The following NEBL variants were observed in gnomAD, a reference collection of about 807,000 sequenced individuals.
NEBL encodes the protein LIM and SH3 protein 2.
Under a neutral mutation model 140.2 loss-of-function variants are expected in NEBL, and 122 were observed. That is an observed-to-expected ratio of 0.87 (90% CI 0.75 to 1.01). NEBL has a LOEUF of 1.01. NEBL is among the 50% of genes least tolerant of loss of function. NEBL has a pLI of 0.00. For synonymous variants in NEBL, 436 were observed against 398.9 expected (o/e 1.09, Z -1.11); for missense variants, 1,365 against 1,231.3 (o/e 1.11, Z -1.62).
chr10:21,289,900 A>C (rs1843120210), intron 1 of NEBL, among the ~76,000 whole-genome samples: 1 of 152,232 alleles, frequency 6.6e-6, no homozygotes. Flanking sequence ...CTTCTGTAGC[A>C]CAACAGCAGA....
intron 3 of NEBL, among the ~76,000 whole-genome samples, chr10:20,997,946 T>A (rs887241886): frequency 1.3e-5 from 2 of 151,932 alleles, no homozygotes; most frequent in South Asian, 4.2e-4. Flanking sequence ...ACTACATAAC[T>A]TAATTAAAAG....
At chr10:20,879,243 T>C (rs935780053) in intron 5 of NEBL, among the ~76,000 whole-genome samples, 5 of 152,220 alleles carry the variant, frequency 3.3e-5, no homozygotes, top group African/African-American at 1.2e-4. Flanking sequence ...TAGTCTCATT[T>C]TCCTCATCTA....
intron 2 of NEBL, among the ~76,000 whole-genome samples, chr10:21,167,192 G>A (rs1037863599): frequency 2.0e-5 from 3 of 152,304 alleles, no homozygotes; most frequent in Admixed American, 6.5e-5. Flanking sequence ...CAGGCAGACC[G>A]AAAGTAAACA....
At chr10:20,903,499 G>A (rs565354788) in intron 4 of NEBL, among the ~76,000 whole-genome samples, 1 of 152,232 alleles carries the variant, frequency 6.6e-6, no homozygotes, top group East Asian at 1.9e-4. Context: ...ATAGGATTCA[G>A]CAATCCCACT....
chr10:20,852,711 T>G, intron 9 of NEBL, 62 bp from the exon 10 acceptor site: 1 of 1,325,202 alleles, frequency 7.5e-7, no homozygotes, highest in Non-Finnish European at 1.1e-6. Flanking sequence ...CAATAAATAC[T>G]TAGAAATACA....
chr10:21,240,408 C>G (rs531185220), intron 3 of NEBL, among the ~76,000 whole-genome samples: 11 of 152,240 alleles, frequency 7.2e-5, no homozygotes, highest in African/African-American at 2.2e-4. Context: ...CTTTGGGTAC[C>G]AAGGCAGGAG....
At chr10:21,285,560 C>G (rs1843044396) in intron 1 of NEBL, among the ~76,000 whole-genome samples, 1 of 152,142 alleles carries the variant, frequency 6.6e-6, no homozygotes. Context: ...AAACTATGCC[C>G]CAACCACCTT....
rs537361470 is a variant in NEBL at position 21,246,605 on chromosome 10, G to A, written n.348+1316C>T. On this transcript the variant is annotated intron_variant and non_coding_transcript_variant, in intron 3 of 8. Transcript: ENST00000675702. Reference sequence around the variant, plus strand: ...TGAGACCAGCCTGCCTAGTGCTTTGGGAGGCCAAGGCAGGAGGATCACCTG... The same window carrying A: ...TGAGACCAGCCTGCCTAGTGCTTTGAGAGGCCAAGGCAGGAGGATCACCTG... 1.1e-3 allele frequency among the ~76,000 whole-genome samples: 173 copies of A among 152,044 alleles called. 3 individuals are homozygous for A. Among genetic ancestry groups the A allele is most frequent in the African/African-American group, 3.9e-3 (160 of 41,496 alleles).
intron 1 of NEBL, among the ~76,000 whole-genome samples, chr10:21,266,382 C>T (rs948430534): frequency 1.8e-4 from 28 of 152,170 alleles, no homozygotes; most frequent in African/African-American, 5.3e-4. Flanking sequence ...GCTCAAGCAA[C>T]CCACCCAACT....
Position 20,969,326 on chromosome 10 carries a change from C to G in NEBL, c.250-7547G>C, listed in dbSNP as rs138493196. Among the ~76,000 whole-genome samples the G allele has an allele frequency of 1.8e-3, 270 of 151,718 alleles. 1 individual carries two copies. Among genetic ancestry groups the G allele is most frequent in the African/African-American group, 6.2e-3 (257 of 41,412 alleles). ...TACCTTTTTAAACATAATTAAAAAG[C>G]ATTAAAAATCATGTCCATAGATTTC... On this transcript the variant is annotated intron_variant, in intron 3 of 6. Transcript: ENST00000417816.
intron 11 of NEBL, among the ~76,000 whole-genome samples, chr10:20,846,459 C>T (rs935871790): frequency 6.6e-6 from 1 of 152,088 alleles, no homozygotes; most frequent in Admixed American, 6.6e-5. Flanking sequence ...CACATGTGTT[C>T]CATACAGCAA....
chr10:21,252,823 C>T (rs573455341), intron 1 of NEBL, among the ~76,000 whole-genome samples: 46 of 152,234 alleles, frequency 3.0e-4, no homozygotes, highest in African/African-American at 9.1e-4. Flanking sequence ...GGCATGGTGG[C>T]GCATGCCTGT....
At chr10:20,825,430 G>A (rs755517253) in intron 18 of NEBL, among the ~76,000 whole-genome samples, 2 of 152,116 alleles carry the variant, frequency 1.3e-5, no homozygotes, top group African/African-American at 2.4e-5. Flanking sequence ...GCTGAAGCGG[G>A]AGGATCACTT....
At chr10:21,155,636 C>T (rs561706356) in intron 2 of NEBL, among the ~76,000 whole-genome samples, 8 of 152,332 alleles carry the variant, frequency 5.3e-5, no homozygotes, top group African/African-American at 1.9e-4. Context: ...TTCAAACTCA[C>T]ATTCAAAACC....
chr10:21,069,654 C>A (rs1279229444), intron 2 of NEBL, among the ~76,000 whole-genome samples: 1 of 152,150 alleles, frequency 6.6e-6, no homozygotes, highest in African/African-American at 2.4e-5. Context: ...ATTTTTCTCA[C>A]AAACTGAGAA....
At chr10:21,112,859 A>G (rs1838095254) in intron 2 of NEBL, 1 of 286,048 alleles carries the variant, frequency 3.5e-6, no homozygotes, top group African/African-American at 2.3e-5. Flanking sequence ...CAGGGCCTGT[A>G]CATATTCATA....
intron 2 of NEBL, among the ~76,000 whole-genome samples, chr10:21,166,591 C>T (rs1394165464): frequency 6.6e-6 from 1 of 152,176 alleles, no homozygotes; most frequent in Non-Finnish European, 1.5e-5. Context: ...CTGCCATGTG[C>T]CAGACACCAG....
At chr10:21,292,291 C>A (rs1843155163) in intron 1 of NEBL, among the ~76,000 whole-genome samples, 1 of 152,138 alleles carries the variant, frequency 6.6e-6, no homozygotes, top group African/African-American at 2.4e-5. Flanking sequence ...TCTTATCTAA[C>A]AAAACCCTGA....
At chr10:20,992,804 G>T (rs61849671) in intron 3 of NEBL, among the ~76,000 whole-genome samples, 6,658 of 106,004 alleles carry the variant, frequency 0.063, 252 homozygotes, top group Middle Eastern at 0.12. Flanking sequence ...TTGAGGCGGA[G>T]TCTCGCTCTG....
Sources: gnomAD v4.1 joint callset for allele counts (sites outside exome capture counted in the v4.1 genomes callset) on GRCh38, gnomAD v4.1.1 for gene constraint, MANE v1.5 for transcripts, NCBI Gene and HGNC (gene_info 2026-07-23, HGNC 2026-07-21) for gene names.